ABCG1: variants seen among roughly 807,000 people sequenced by gnomAD.
ABCG1 encodes ATP-binding cassette sub-family G member 1.
A neutral mutation model predicts 69.2 loss-of-function variants in ABCG1; 29 were observed. The ratio of observed to expected loss-of-function variants is 0.42; its 90% CI spans 0.31 to 0.57. The LOEUF (loss-of-function observed/expected upper bound fraction) is 0.57. Among genes scored for constraint, ABCG1 ranks in the 20% least tolerant of loss-of-function variants. The pLI, the probability that ABCG1 is intolerant of heterozygous loss-of-function variation, is 0.15. For missense variants in ABCG1, 718 were observed against 898.1 expected, an observed-to-expected ratio of 0.80 and a Z score of 2.56; for synonymous variants, 370 against 374.8, an observed-to-expected ratio of 0.99 and a Z score of 0.15.
At chr21:42,290,321 A>G in intron 11 of ABCG1, 103 bp downstream of exon 11, 1 of 1,335,826 alleles carries the variant, frequency 7.5e-7, no homozygotes, top group Admixed American at 2.4e-5. Flanking sequence ...TTCTAAACAC[A>G]ATGTTTTTGT....
At chr21:42,218,448 C>G (rs2067666812), upstream of ABCG1, among the ~76,000 whole-genome samples, 1 of 137,524 alleles carries the variant, frequency 7.3e-6, no homozygotes, top group South Asian at 2.1e-4. Context: ...TCTGGAAACA[C>G]CTCTGTCTGC....
intron 2 of ABCG1, among the ~76,000 whole-genome samples, chr21:42,268,702 G>A (rs1601418496): frequency 6.6e-6 from 1 of 152,212 alleles, no homozygotes; most frequent in African/African-American, 2.4e-5. Context: ...GCCAGGTGGA[G>A]TGGACCTCTG....
intron 2 of ABCG1, among the ~76,000 whole-genome samples, chr21:42,242,586 A>G (rs1432994550): frequency 6.6e-6 from 1 of 152,224 alleles, no homozygotes; most frequent in Non-Finnish European, 1.5e-5. Flanking sequence ...ACCTGGAACC[A>G]AGTGGTGACG....
intron 2 of ABCG1, among the ~76,000 whole-genome samples, chr21:42,248,550 A>G (rs765364523): frequency 3.3e-5 from 5 of 152,106 alleles, no homozygotes; most frequent in Non-Finnish European, 5.9e-5. Context: ...ACTGTTCATA[A>G]CAACAACAAG....
At chr21:42,249,138 G>A (rs865879813) in intron 2 of ABCG1, among the ~76,000 whole-genome samples, 2 of 152,112 alleles carry the variant, frequency 1.3e-5, no homozygotes, top group African/African-American at 2.4e-5. Flanking sequence ...AAATACGAAC[G>A]TGGTGCAAGA....
rs571304058 is a variant in ABCG1 at position 42,288,814 on chromosome 21, G to C, written c.1224+502G>C. The stretch of plus-strand genomic sequence containing the variant: ...AAGAAAGAAAGAAATGCCTGAGCCT[G>C]GGGAATTTATAAAGAAAAGAGGTTT... On this transcript the variant is annotated intron_variant, in intron 10 of 14. Transcript: ENST00000398449. The surrounding 1 kb of genome is among the most constrained non-coding windows in gnomAD (Gnocchi z 4.8). 1.3e-5 allele frequency among the ~76,000 whole-genome samples: 2 copies of C among 152,300 alleles called. No homozygotes were observed. The highest frequency in any genetic ancestry group is 1.9e-4 in the East Asian group (1 of 5,186).
chr21:42,283,104 C>A lies in ABCG1; in HGVS notation c.734+685C>A, dbSNP rs1425028724. On this transcript the variant is annotated intron_variant, in intron 6 of 14. Coordinates refer to ENST00000398449, the MANE Select transcript of ABCG1 (RefSeq NM_016818.3). ...GCAGGATGGGTGGCCAGGAACCAGG[C>A]TTCTCCTGAAATGACTTCAGCCAGA... 2.0e-5 allele frequency among the ~76,000 whole-genome samples: 3 copies of A among 152,212 alleles called. No homozygotes were observed. In the East Asian group the frequency reaches 5.8e-4, roughly 29 times the overall value.
intron 5 of ABCG1, among the ~76,000 whole-genome samples, chr21:42,280,924 C>T (rs4148134): frequency 0.24 from 36,062 of 152,156 alleles, 4,603 homozygotes; most frequent in African/African-American, 0.32. Context: ...CTTTTCCAGA[C>T]AGCCTTCCAG....
intron 6 of ABCG1, among the ~76,000 whole-genome samples, chr21:42,283,004 A>G (rs1335810801): frequency 6.6e-6 from 1 of 152,184 alleles, no homozygotes; most frequent in East Asian, 1.9e-4. Flanking sequence ...ACTACCCTGG[A>G]GTCCTGGATC....
chr21:42,275,330 G>A (rs1428475640), intron 4 of ABCG1, among the ~76,000 whole-genome samples: 2 of 152,186 alleles, frequency 1.3e-5, no homozygotes, highest in Admixed American at 6.5e-5. Context: ...GCATCCCTGG[G>A]CGGTGTGTGC....
rs1478585902 is a variant in ABCG1 at position 42,276,603 on chromosome 21, G to A, written c.538-292G>A. 1.5e-5 allele frequency: 6 copies of A among 413,334 alleles called. No homozygotes were observed. The highest frequency in any genetic ancestry group is 2.2e-5 in the Non-Finnish European group (5 of 228,240). The allele number at this position is 413,334 out of a possible 1,614,324, so 25.6% of individuals were successfully genotyped here. A position where few individuals can be genotyped will look rare whatever the true frequency, so the allele number is the denominator to read the frequency against. On this transcript the variant is annotated intron_variant, in intron 4 of 14. Transcript: ENST00000398449. The surrounding 1 kb of genome is among the most constrained non-coding windows in gnomAD (Gnocchi z 5.3). ...TCCATGATGATCAGCTAGCTGCACG[G>A]TGGCTAGTGGCACCGTGGCTAGCTG...
chr21:42,247,443 G>A (rs1429501079), intron 2 of ABCG1, among the ~76,000 whole-genome samples: 2 of 152,202 alleles, frequency 1.3e-5, no homozygotes, highest in Non-Finnish European at 2.9e-5. Flanking sequence ...GGCAGAACCC[G>A]GGGGCACCCG....
At chr21:42,231,115 A>G (rs1601361449) in intron 2 of ABCG1, among the ~76,000 whole-genome samples, 1 of 152,356 alleles carries the variant, frequency 6.6e-6, no homozygotes, top group African/African-American at 2.4e-5. Flanking sequence ...GGCCATTTAT[A>G]GGGATTTCCT....
chr21:42,290,240 C>T (rs182057616), intron 11 of ABCG1, 22 bp downstream of exon 11: 1 of 1,602,448 alleles, frequency 6.2e-7, no homozygotes, highest in African/African-American at 1.3e-5. Flanking sequence ...ACCGCTGACC[C>T]CTTCTTCCTT....
intron 2 of ABCG1, among the ~76,000 whole-genome samples, chr21:42,257,820 C>G (rs919501082): frequency 6.6e-6 from 1 of 152,202 alleles, no homozygotes; most frequent in Non-Finnish European, 1.5e-5. Context: ...CAGGAACAGA[C>G]TGAGGCTTCA....
chr21:42,295,296 A>C (rs2069182677), intron 14 of ABCG1: 1 of 127,942 alleles, frequency 7.8e-6, no homozygotes, highest in Non-Finnish European at 1.6e-5. Context: ...GCGCCACTGC[A>C]CTCCAGCCTA....
At chr21:42,269,501 T>TCACCCGCAGCTCTGAGCTGCTC (rs2068577310) in intron 2 of ABCG1, among the ~76,000 whole-genome samples, 1 of 152,208 alleles carries the variant, frequency 6.6e-6, no homozygotes, top group South Asian at 2.1e-4. Context: ...ACGAGCTGGT[T>TCACCCGCAGCTCTGAGCTGCTC]CACCCGCAGC....
chr21:42,289,925 A>C, intron 10 of ABCG1, 125 bp from the exon 11 acceptor site: 1 of 1,049,296 alleles, frequency 9.5e-7, no homozygotes, highest in Non-Finnish European at 1.4e-6. Flanking sequence ...AGAAGACAGG[A>C]TAAAGTCTAA....
intron 2 of ABCG1, among the ~76,000 whole-genome samples, chr21:42,210,839 G>A (rs1276260559): frequency 6.6e-6 from 1 of 152,134 alleles, no homozygotes; most frequent in Non-Finnish European, 1.5e-5. Flanking sequence ...TAGCTGGGCT[G>A]GCTCACCAGA....
Sources: allele counts gnomAD v4.1 joint callset (sites outside exome capture counted in the v4.1 genomes callset), GRCh38; gene constraint gnomAD v4.1.1; non-coding constraint Gnocchi (gnomAD v3.1); transcripts MANE v1.5; gene names NCBI Gene and HGNC (gene_info 2026-07-23, HGNC 2026-07-21).